DNAH1: variants seen among roughly 807,000 people sequenced by gnomAD.
DNAH1 encodes the protein dynein axonemal heavy chain 1, also known as axonemal beta dynein heavy chain 1.
DNAH1 carries 327 observed loss-of-function variants against 484.3 expected under a neutral mutation model. The observed-to-expected ratio is 0.68, with a 90% CI of 0.62 to 0.74. The LOEUF is 0.74. Among genes scored for constraint, DNAH1 ranks in the 30% least tolerant of loss-of-function variants. The pLI, the probability that DNAH1 is intolerant of heterozygous loss-of-function variation, is 0.00. For synonymous variants in DNAH1, 2,192 were observed against 2,191.9 expected, an observed-to-expected ratio of 1.00 and a Z score of 0.00; for missense variants, 5,052 against 5,546.8, an observed-to-expected ratio of 0.91 and a Z score of 2.83.
chr3:52,389,548 G>A lies in DNAH1; in HGVS notation c.9583G>A (p.Gly3195Arg), dbSNP rs868500538. 10 of 1,541,736 alleles carry A rather than the reference G, an allele frequency of 6.5e-6. No homozygotes were observed. The highest frequency in any genetic ancestry group is 2.5e-5 in the East Asian group (1 of 39,692). Residue 3195 changes from glycine (G) to arginine (R), a missense_variant, in exon 60 of 78, where the codon GGG becomes AGG. Gly to Arg is a moderately radical substitution (Grantham distance 125). Coordinates refer to ENST00000420323, the MANE Select transcript of DNAH1 (RefSeq NM_015512.5). ...ACACACCTCCGAGCCCACGCTAATC[G>A]GGACGCTGGGGAACCCTGTGAAGAT... ...VPHTSEPTLIGTLGNPVKIRS... is the reference protein window; with the variant it reads ...VPHTSEPTLIRTLGNPVKIRS...
intron 67 of DNAH1, 94 bp from the exon 68 acceptor site, chr3:52,394,821 C>G (rs1457938045): frequency 6.6e-7 from 1 of 1,520,722 alleles, no homozygotes; most frequent in African/African-American, 1.4e-5. Flanking sequence ...TGGGATAGCC[C>G]ACTCTCCCCA....
intron 60 of DNAH1, 115 bp downstream of exon 60, chr3:52,389,701 C>G (rs932482584): frequency 1.0e-5 from 12 of 1,188,502 alleles, no homozygotes; most frequent in Non-Finnish European, 1.3e-5. Flanking sequence ...TCGGAGCTGC[C>G]TCTGCTGAAC....
At chr3:52,320,326 G>T (rs1363061592) in intron 1 of DNAH1, among the ~76,000 whole-genome samples, 2 of 152,364 alleles carry the variant, frequency 1.3e-5, no homozygotes, top group South Asian at 2.1e-4. Context: ...GAGGCAGCTG[G>T]CCACCAGAGA....
intron 48 of DNAH1, 105 bp downstream of exon 48, chr3:52,380,240 A>C: frequency 9.8e-7 from 1 of 1,020,502 alleles, no homozygotes; most frequent in Non-Finnish European, 1.4e-6. Flanking sequence ...ACCACACTAT[A>C]ACCAGGGGGC....
In DNAH1 at chr3:52,345,814, G is replaced by A; in HGVS notation, c.1656+108G>A. On this transcript the variant is annotated intron_variant, in intron 10 of 77. Coordinates refer to ENST00000420323, the MANE Select transcript of DNAH1 (RefSeq NM_015512.5). Reference sequence around the variant, plus strand: ...GGCCAGGGTCAGTGGGCCACATGGTGAGGCTGTGAGCCCCTGCTTTTCTCA... The same window carrying A: ...GGCCAGGGTCAGTGGGCCACATGGTAAGGCTGTGAGCCCCTGCTTTTCTCA... The A allele has an allele frequency of 4.4e-6, 5 of 1,141,872 alleles. No individual in the cohort carries two copies. In the South Asian group the frequency reaches 4.5e-5, roughly 10 times the overall value. The allele number at this position is 1,141,872 out of a possible 1,614,324, so 70.7% of individuals were successfully genotyped here.
chr3:52,329,842 GAAAC>G (rs1023763720), intron 6 of DNAH1, among the ~76,000 whole-genome samples: 10 of 150,148 alleles, frequency 6.7e-5, no homozygotes, highest in African/African-American at 9.8e-5. Flanking sequence ...AAAAAAAACA[GAAAC>G]AAACAAAACA....
chr3:52,357,901 C>G lies in DNAH1; in HGVS notation c.3984C>G (p.Phe1328Leu), dbSNP rs370151452. 2 of 1,612,394 alleles carry G rather than the reference C, an allele frequency of 1.2e-6. No homozygotes were observed. Among genetic ancestry groups the G allele is most frequent in the Non-Finnish European group, 1.7e-6 (2 of 1,179,416 alleles). Residue 1328 changes from phenylalanine to leucine, a missense_variant, in exon 24 of 78, where the codon TTC becomes TTG. Physicochemically the swap from Phe to Leu is conservative, Grantham distance 22. Around this residue, in one of 4 missense-constraint regions of DNAH1, gnomAD observed 2,929 missense variants for 3,409.4 expected, o/e 0.86. Coordinates refer to ENST00000420323, the MANE Select transcript of DNAH1 (RefSeq NM_015512.5). ...LETKRSAFPRFYFLSDDELLE... is the reference protein window; with the variant it reads ...LETKRSAFPRLYFLSDDELLE... ...CTCACCCCTGTTCCCCTGGCAGATTCTACTTCCTGTCAGATGATGAACTAC... is the reference window on the plus strand; with the variant it reads ...CTCACCCCTGTTCCCCTGGCAGATTGTACTTCCTGTCAGATGATGAACTAC...
At position 52,353,417 on chromosome 3, in the gene DNAH1, C is replaced by T. The variant is rs371021090; in HGVS notation, c.3264C>T (p.Ile1088=). ...QEVALDIRAR[I]EEFKPYIPLI... ...TGGCCTTGGACATCCGGGCCCGCAT[C>T]GAGGAGTTCAAACCATACATCCCAC... The change falls in exon 20 of 78, where the codon ATC becomes ATT. Residue 1088 remains isoleucine, a synonymous_variant. Transcript: ENST00000420323. This position sits in a 1 kb window ranked among gnomAD's most constrained non-coding sequence, Gnocchi z 5.0. The T allele has an allele frequency of 1.7e-5, 27 of 1,613,514 alleles. No homozygotes were observed. Among genetic ancestry groups the T allele is most frequent in the South Asian group, 3.3e-5 (3 of 91,058 alleles).
chr3:52,383,257 G>C (rs1703936805), intron 50 of DNAH1, 129 bp from the exon 51 acceptor site: 5 of 823,784 alleles, frequency 6.1e-6, no homozygotes, highest in Non-Finnish European at 7.7e-6. Flanking sequence ...TCACTTTTGT[G>C]ACTCTGGGCT....
intron 12 of DNAH1, 108 bp from the exon 13 acceptor site, chr3:52,348,780 A>C: frequency 8.0e-7 from 1 of 1,248,264 alleles, no homozygotes; most frequent in South Asian, 1.4e-5. Context: ...TTCAGGCCAC[A>C]TCCTGCCCCT....
chr3:52,351,151 G>C (rs921552027), intron 16 of DNAH1, among the ~76,000 whole-genome samples: 1 of 152,236 alleles, frequency 6.6e-6, no homozygotes. Context: ...CGCCCAGCCT[G>C]ACACACGTAT....
Position 52,323,873 on chromosome 3 carries a change from C to G in DNAH1, c.399C>G (p.Thr133=). ...LLRQADLDKF[T]PRVGSFEVPE... ...GGCAGGCTGACCTTGACAAGTTCAC[C>G]CCAAGAGGTCAGTGCTCAGGAGGGC... The change falls in exon 3 of 78, where the codon ACC becomes ACG. Residue 133 remains threonine, a synonymous_variant. Transcript: ENST00000420323. 1 of 1,574,260 alleles carries G rather than the reference C, an allele frequency of 6.4e-7. No individual in the cohort carries two copies. Among genetic ancestry groups the G allele is most frequent in the Non-Finnish European group, 8.6e-7 (1 of 1,159,668 alleles).
chr3:52,325,939 C>T (rs1379993261), intron 3 of DNAH1, among the ~76,000 whole-genome samples: 1 of 152,156 alleles, frequency 6.6e-6, no homozygotes, highest in Non-Finnish European at 1.5e-5. Context: ...TTCTGGAAGC[C>T]ACCATCCCTC....
intron 60 of DNAH1, 111 bp from the exon 61 acceptor site, chr3:52,390,824 G>A: frequency 1.4e-6 from 2 of 1,477,646 alleles, no homozygotes; most frequent in East Asian, 2.5e-5. Context: ...AGGGGATGCA[G>A]TAAGGAGAGG....
Position 52,345,600 on chromosome 3 carries a change from G to C in DNAH1, c.1550G>C (p.Arg517Thr). 1.2e-6 allele frequency: 2 copies of C among 1,605,532 alleles called. No homozygotes were observed. Among genetic ancestry groups the C allele is most frequent in the Non-Finnish European group, 8.5e-7 (1 of 1,175,838 alleles). ...PEVITALSKV[R>T]AECNKVTAMS... ...GTCATCACGGCCCTCAGCAAGGTGA[G>C]GGCCGAGTGCAACAAGGTGACCGCC... The change falls in exon 10 of 78, where the codon AGG becomes ACG. Residue 517 changes from arginine to threonine, a missense_variant. Transcript: ENST00000420323.
At position 52,348,486 on chromosome 3, in the gene DNAH1, G is replaced by A. The variant is rs567878983; in HGVS notation, c.2107-402G>A. On this transcript the variant is annotated intron_variant, in intron 12 of 77. Coordinates refer to ENST00000420323, the MANE Select transcript of DNAH1 (RefSeq NM_015512.5). ...GTCACTGCCACTGCACACACACCCA[G>A]CTGCACACAGCCCACTTCCAGACCC... is the stretch of plus-strand genomic sequence containing the variant. Among the ~76,000 whole-genome samples the A allele has an allele frequency of 1.4e-4, 21 of 152,254 alleles. No individual in the cohort carries two copies. In the South Asian group the frequency reaches 4.1e-3, roughly 30 times the overall value.
At chr3:52,359,751 A>G (rs1265023742) in intron 26 of DNAH1, among the ~76,000 whole-genome samples, 165 bp from the exon 27 acceptor site, 2 of 152,040 alleles carry the variant, frequency 1.3e-5, no homozygotes, top group African/African-American at 4.8e-5. Flanking sequence ...CCTCTATTCT[A>G]CTTCCTTCCT....
rs1220369075 is a variant in DNAH1, at chr3:52,359,305, G to A, written c.4326G>A (p.Gln1442=). Reference sequence around the variant, plus strand: ...GCCAGGTGACCATCGCTGGGTGCCAGACCTACTGGACCATGGAGGTGGCAG... The same window carrying A: ...GCCAGGTGACCATCGCTGGGTGCCAAACCTACTGGACCATGGAGGTGGCAG... ...WPGQVTIAGC[Q]TYWTMEVAEA... Residue 1442 remains glutamine, a synonymous_variant, in exon 26 of 78, where the codon CAG becomes CAA. Transcript: ENST00000420323. 1 of 1,569,072 alleles carries A rather than the reference G, an allele frequency of 6.4e-7. No homozygotes were observed. The highest frequency in any genetic ancestry group is 8.6e-7 in the Non-Finnish European group (1 of 1,156,302).
At chr3:52,350,181 G>A in intron 15 of DNAH1, 73 bp downstream of exon 15, 3 of 1,565,194 alleles carry the variant, frequency 1.9e-6, no homozygotes, top group South Asian at 2.4e-5. Flanking sequence ...GCTGGGGCAG[G>A]CAGGGGCTGG....
Sources: gnomAD v4.1 joint callset for allele counts (sites outside exome capture counted in the v4.1 genomes callset) on GRCh38, gnomAD v4.1.1 for gene constraint, gnomAD v4.1.1 regional missense constraint, Gnocchi (gnomAD v3.1) non-coding constraint, MANE v1.5 for transcripts, NCBI Gene and HGNC (gene_info 2026-07-23, HGNC 2026-07-21) for gene names.